NLGN4X: variants seen among roughly 807,000 people sequenced by gnomAD.
The protein encoded by NLGN4X is neuroligin 4 X-linked, also known as neuroligin-4, X-linked.
In NLGN4X, 3 loss-of-function variants were observed where a neutral mutation model predicts 40.3. That is an observed-to-expected ratio of 0.07 (90% CI 0.03 to 0.19). The LOEUF is 0.19. NLGN4X is among the 10% of genes least tolerant of loss of function. NLGN4X has a pLI of 1.00. For missense variants in NLGN4X, 382 were observed against 708.3 expected (o/e 0.54, Z 5.23); for synonymous variants, 270 against 306.8 (o/e 0.88, Z 1.25).
At chrX:6,184,505 T>A (rs1483544631) in intron 1 of NLGN4X, among the ~76,000 whole-genome samples, 4 of 108,413 alleles carry the variant, frequency 3.7e-5, no homozygotes, top group African/African-American at 1.4e-4. Context: ...TAATTTATAT[T>A]TTTCTGTACA....
At chrX:6,218,773 G>C (rs189603969) in intron 1 of NLGN4X, among the ~76,000 whole-genome samples, 2 of 111,771 alleles carry the variant, frequency 1.8e-5, no homozygotes, top group Non-Finnish European at 3.8e-5. Flanking sequence ...TGTGTCAACA[G>C]AAGTATTCTC....
At chrX:6,201,093 T>C (rs1231074418) in intron 1 of NLGN4X, among the ~76,000 whole-genome samples, 1 of 111,654 alleles carries the variant, frequency 9.0e-6, no homozygotes, top group Non-Finnish European at 1.9e-5. Context: ...CGTCAACTAC[T>C]GAAATTCACA....
intron 1 of NLGN4X, among the ~76,000 whole-genome samples, chrX:6,207,044 T>TCA (rs1403455003): frequency 1.8e-5 from 2 of 110,140 alleles, no homozygotes; most frequent in Non-Finnish European, 3.8e-5. Context: ...TCTCTCTCTC[T>TCA]CACACACACA....
intron 3 of NLGN4X, among the ~76,000 whole-genome samples, chrX:5,954,594 ATCTCTGTCTCTG>A (rs201027723): frequency 2.0e-5 from 2 of 97,735 alleles, no homozygotes; most frequent in African/African-American, 3.8e-5. Flanking sequence ...GTCCCTGGCA[ATCTCTGTCTCTG>A]TCTCTGTCTC....
chrX:6,021,093 C>CCT (rs1310448599), intron 3 of NLGN4X, among the ~76,000 whole-genome samples: 1 of 39,964 alleles, frequency 2.5e-5, no homozygotes, highest in Non-Finnish European at 4.2e-5. Context: ...TCTCTCTCTC[C>CCT]CCCTCTCCCT....
At chrX:6,216,068 G>C (rs1925063948) in intron 1 of NLGN4X, among the ~76,000 whole-genome samples, 1 of 110,444 alleles carries the variant, frequency 9.1e-6, no homozygotes, top group African/African-American at 3.3e-5. Context: ...GTAGAGATGG[G>C]GTTTCACTAC....
intron 3 of NLGN4X, among the ~76,000 whole-genome samples, chrX:6,027,649 T>C: frequency 1.0e-5 from 1 of 96,718 alleles, no homozygotes; most frequent in South Asian, 4.3e-4. Flanking sequence ...TGTTTTCACA[T>C]AGGAAAAAAA....
At chrX:5,899,476 G>T (rs1322160914) in intron 5 of NLGN4X, among the ~76,000 whole-genome samples, 1 of 111,368 alleles carries the variant, frequency 9.0e-6, no homozygotes, top group Non-Finnish European at 1.9e-5. Context: ...CTAAATGCAG[G>T]GTGGAAATCA....
intron 1 of NLGN4X, among the ~76,000 whole-genome samples, chrX:6,215,012 T>C (rs1020270317): frequency 8.9e-6 from 1 of 112,381 alleles, no homozygotes; most frequent in Admixed American, 9.4e-5. Context: ...GTTCAGCTTT[T>C]AATGTGGGAC....
chrX:5,955,212 G>A (rs1427652769), intron 3 of NLGN4X, among the ~76,000 whole-genome samples: 1 of 111,473 alleles, frequency 9.0e-6, no homozygotes, highest in Non-Finnish European at 1.9e-5. Context: ...AATACACTTA[G>A]TATCATGAGA....
intron 2 of NLGN4X, among the ~76,000 whole-genome samples, chrX:6,035,490 A>T (rs2036979716): frequency 1.8e-5 from 2 of 112,074 alleles, no homozygotes; most frequent in Admixed American, 1.9e-4. Context: ...GGGTACAATA[A>T]GAGGTAAGAG....
intron 2 of NLGN4X, among the ~76,000 whole-genome samples, chrX:6,116,728 C>T (rs1468397334): frequency 9.1e-6 from 1 of 109,820 alleles, no homozygotes. Context: ...CAGGGTTTCA[C>T]CATGTTGGCC....
intron 2 of NLGN4X, among the ~76,000 whole-genome samples, chrX:6,056,765 T>C (rs140845207): frequency 3.1e-4 from 35 of 112,039 alleles, no homozygotes; most frequent in Middle Eastern, 4.7e-3. Flanking sequence ...CAGTCCACTG[T>C]GAAGGTGAAT....
chrX:6,094,604 A>G (rs999372698), intron 2 of NLGN4X, among the ~76,000 whole-genome samples: 37 of 111,137 alleles, frequency 3.3e-4, no homozygotes, highest in African/African-American at 1.2e-3. Context: ...TGACCTGCAC[A>G]AAGATGACAG....
chrX:6,080,617 G>A (rs928972840), intron 2 of NLGN4X, among the ~76,000 whole-genome samples: 5 of 111,301 alleles, frequency 4.5e-5, no homozygotes, highest in African/African-American at 1.3e-4. Flanking sequence ...ACCATAATTA[G>A]CTTCTTCCTA....
At chrX:5,995,755 C>A (rs1168667360) in intron 3 of NLGN4X, among the ~76,000 whole-genome samples, 1 of 111,883 alleles carries the variant, frequency 8.9e-6, no homozygotes, top group African/African-American at 3.3e-5. Flanking sequence ...AAGGGTCAGG[C>A]AGGGTTTAGA....
At chrX:6,063,106 G>A (rs1358553020) in intron 2 of NLGN4X, among the ~76,000 whole-genome samples, 4 of 110,966 alleles carry the variant, frequency 3.6e-5, no homozygotes, top group African/African-American at 6.6e-5. Flanking sequence ...TTAAAATACT[G>A]CAACTTCCCT....
intron 5 of NLGN4X, among the ~76,000 whole-genome samples, chrX:5,896,018 T>C (rs2031468860): frequency 8.9e-6 from 1 of 111,755 alleles, no homozygotes; most frequent in Non-Finnish European, 1.9e-5. Flanking sequence ...AGTTATTGAT[T>C]TTTAATATTC....
intron 1 of NLGN4X, among the ~76,000 whole-genome samples, chrX:6,175,366 T>C (rs1312229676): frequency 9.0e-6 from 1 of 110,731 alleles, no homozygotes; most frequent in African/African-American, 3.3e-5. Context: ...TATTAAACAC[T>C]ACCCAACACC....
Sources: gnomAD v4.1 joint callset for allele counts (sites outside exome capture counted in the v4.1 genomes callset) on GRCh38, gnomAD v4.1.1 for gene constraint, MANE v1.5 for transcripts, NCBI Gene and HGNC (gene_info 2026-07-23, HGNC 2026-07-21) for gene names.